Variants in SGCZ observed in about 807,000 individuals in gnomAD.
SGCZ encodes the protein sarcoglycan zeta, also known as zeta-sarcoglycan.
SGCZ carries 40 observed loss-of-function variants against 41.3 expected under a neutral mutation model. That is an observed-to-expected ratio of 0.97 (90% CI 0.75 to 1.26). The LOEUF is 1.26. SGCZ is among the 50% of genes most tolerant of loss of function. The pLI is 0.00. For missense variants in SGCZ, 552 were observed against 369.8 expected (o/e 1.49, Z -4.04); for synonymous variants, 206 against 137.5 (o/e 1.50, Z -3.49).
intron 1 of SGCZ, among the ~76,000 whole-genome samples, chr8:14,596,766 A>G (rs1043306686): frequency 3.3e-5 from 5 of 152,128 alleles, no homozygotes; most frequent in Admixed American, 3.3e-4. Flanking sequence ...GCAGCAAACC[A>G]CCATGGCACA....
At chr8:14,455,647 G>C (rs978006730) in intron 2 of SGCZ, among the ~76,000 whole-genome samples, 3 of 152,168 alleles carry the variant, frequency 2.0e-5, no homozygotes, top group Non-Finnish European at 4.4e-5. Flanking sequence ...AAATATATAT[G>C]CATCAGATCA....
intron 1 of SGCZ, among the ~76,000 whole-genome samples, chr8:14,800,824 T>C (rs1198845792): frequency 2.0e-5 from 3 of 152,144 alleles, no homozygotes; most frequent in Non-Finnish European, 4.4e-5. Context: ...TAATACACTA[T>C]ACTACTCAAC....
chr8:14,560,701 T>C (rs571779426), intron 1 of SGCZ, among the ~76,000 whole-genome samples: 106 of 152,228 alleles, frequency 7.0e-4, no homozygotes, highest in African/African-American at 2.5e-3. Flanking sequence ...ACTAAATCTA[T>C]GAAATAAAAC....
At chr8:14,364,191 T>C (rs1177072435) in intron 2 of SGCZ, among the ~76,000 whole-genome samples, 1 of 141,500 alleles carries the variant, frequency 7.1e-6, no homozygotes, top group Admixed American at 7.3e-5. Flanking sequence ...CATTCAATAA[T>C]GTTTTAAGCA....
chr8:14,626,942 G>C (rs1806480353), intron 1 of SGCZ, among the ~76,000 whole-genome samples: 1 of 152,054 alleles, frequency 6.6e-6, no homozygotes, highest in Admixed American at 6.6e-5. Context: ...TACTGCTTCA[G>C]GATCTTATAA....
chr8:14,565,915 A>C (rs13265072), intron 1 of SGCZ, among the ~76,000 whole-genome samples: 36,188 of 152,082 alleles, frequency 0.24, 5,379 homozygotes, highest in Non-Finnish European at 0.33. Flanking sequence ...CCACTCTGAC[A>C]AACTTCTTTA....
At chr8:14,779,446 T>A (rs1338996093) in intron 1 of SGCZ, among the ~76,000 whole-genome samples, 1 of 152,190 alleles carries the variant, frequency 6.6e-6, no homozygotes, top group Admixed American at 6.5e-5. Context: ...ATGATTGCAA[T>A]TCAGCTGCCA....
intron 1 of SGCZ, among the ~76,000 whole-genome samples, chr8:14,803,747 T>A (rs1277134963): frequency 8.6e-5 from 13 of 151,232 alleles, no homozygotes; most frequent in African/African-American, 9.7e-5. Flanking sequence ...GAGGCCTGCC[T>A]GCCTCTGTAG....
chr8:15,189,139 G>A (rs1046235358), intron 1 of SGCZ, among the ~76,000 whole-genome samples: 16 of 152,242 alleles, frequency 1.1e-4, no homozygotes, highest in African/African-American at 3.9e-4. Context: ...CTTTGATATA[G>A]ATCAATCTGC....
At chr8:14,481,192 T>C (rs12677673) in intron 2 of SGCZ, among the ~76,000 whole-genome samples, 2,891 of 152,256 alleles carry the variant, frequency 0.019, 42 homozygotes, top group East Asian at 0.079. Flanking sequence ...TTAATTAATA[T>C]ATGATGCTTA....
At chr8:15,137,780 G>A (rs752260889) in intron 1 of SGCZ, among the ~76,000 whole-genome samples, 5 of 152,224 alleles carry the variant, frequency 3.3e-5, no homozygotes, top group Non-Finnish European at 7.3e-5. Context: ...GAAGTTTGCT[G>A]CAGAGATGGA....
intron 3 of SGCZ, among the ~76,000 whole-genome samples, chr8:14,288,507 A>G (rs1356188659): frequency 6.6e-6 from 1 of 152,084 alleles, no homozygotes; most frequent in Non-Finnish European, 1.5e-5. Context: ...TATAATGGAT[A>G]TTTCATACAA....
Position 14,324,208 on chromosome 8 carries a change from C to G in SGCZ, c.235-4G>C. 6.2e-7 allele frequency: 1 copy of G among 1,601,788 alleles called. No homozygotes were observed. Among genetic ancestry groups the G allele is most frequent in the Non-Finnish European group, 8.6e-7 (1 of 1,169,542 alleles). Reference sequence around the variant, plus strand: ...CTCTCAGATTTCCCATACCATCCTACAAGCAATGAAATATAGTTCACTTTT... The same window carrying G: ...CTCTCAGATTTCCCATACCATCCTAGAAGCAATGAAATATAGTTCACTTTT... On this transcript the variant is annotated splice_polypyrimidine_tract_variant and splice_region_variant and intron_variant, in intron 2 of 7. Transcript: ENST00000382080.
At chr8:15,064,885 C>T (rs547469374) in intron 1 of SGCZ, among the ~76,000 whole-genome samples, 34 of 152,232 alleles carry the variant, frequency 2.2e-4, no homozygotes, top group African/African-American at 7.7e-4. Context: ...CCTGGCGTTT[C>T]GGTTGGCTCT....
At chr8:15,232,252 TTTA>T (rs1364954474) in intron 1 of SGCZ, among the ~76,000 whole-genome samples, 1 of 152,154 alleles carries the variant, frequency 6.6e-6, no homozygotes, top group Admixed American at 6.5e-5. Context: ...CAGATGTGGA[TTTA>T]TTATCTTATA....
At chr8:14,378,897 C>A (rs148246918) in intron 2 of SGCZ, among the ~76,000 whole-genome samples, 2,923 of 152,234 alleles carry the variant, frequency 0.019, 77 homozygotes, top group African/African-American at 0.055. Context: ...TAAAAAAAAT[C>A]TTTATTTGAC....
intron 1 of SGCZ, among the ~76,000 whole-genome samples, chr8:15,196,161 T>C (rs1019900491): frequency 7.5e-6 from 1 of 133,990 alleles, no homozygotes; most frequent in Non-Finnish European, 1.7e-5. Flanking sequence ...CCTCCCAAAG[T>C]GCTGGGATTA....
In SGCZ at chr8:14,089,493, T is replaced by C. The variant is rs1470737368; in HGVS notation, c.*950A>G. Reference sequence around the variant, plus strand: ...ATTTATTTAGAAGATGTTTGAATTTTAGCAGTCAGAATCAAGTGCAGAGTG... The same window carrying C: ...ATTTATTTAGAAGATGTTTGAATTTCAGCAGTCAGAATCAAGTGCAGAGTG... On this transcript the variant is annotated 3_prime_UTR_variant, in exon 8 of 8. Transcript: ENST00000382080. 1.3e-5 allele frequency among the ~76,000 whole-genome samples: 2 copies of C among 152,054 alleles called. No individual in the cohort carries two copies. The highest frequency in any genetic ancestry group is 2.9e-5 in the Non-Finnish European group (2 of 67,966).
chr8:14,756,377 G>T (rs1050326877), intron 1 of SGCZ, among the ~76,000 whole-genome samples: 4 of 152,118 alleles, frequency 2.6e-5, no homozygotes, highest in East Asian at 3.9e-4. Context: ...TAGAGATGGG[G>T]TTTCTCCATG....
Sources: gnomAD v4.1 joint callset for allele counts (sites outside exome capture counted in the v4.1 genomes callset) on GRCh38, gnomAD v4.1.1 for gene constraint, MANE v1.5 for transcripts, NCBI Gene and HGNC (gene_info 2026-07-23, HGNC 2026-07-21) for gene names.